Variants in CDC6 observed in about 807,000 individuals in gnomAD.
The protein encoded by CDC6 is DNA replication factor CDC6.
A neutral mutation model predicts 60.2 loss-of-function variants in CDC6; 46 were observed. The ratio of observed to expected loss-of-function variants is 0.76; its 90% CI spans 0.60 to 0.98. The LOEUF (loss-of-function observed/expected upper bound fraction) is 0.98. CDC6 is among the 50% of genes least tolerant of loss of function. CDC6 has a pLI of 0.00. For synonymous variants in CDC6, 210 were observed against 233.2 expected (o/e 0.90, Z 0.90); for missense variants, 596 against 652.9 (o/e 0.91, Z 0.95).
chr17:40,288,535 C>T (rs1168267381), intron 1 of CDC6, among the ~76,000 whole-genome samples: 2 of 151,844 alleles, frequency 1.3e-5, no homozygotes, highest in African/African-American at 4.8e-5. Context: ...TCTCCTGCCT[C>T]AGCCTCTTCA....
intron 9 of CDC6, among the ~76,000 whole-genome samples, chr17:40,297,550 C>T (rs2032875719): frequency 6.6e-6 from 1 of 152,098 alleles, no homozygotes; most frequent in African/African-American, 2.4e-5. Flanking sequence ...GTGCAGCAAG[C>T]CACCATGGCA....
intron 9 of CDC6, among the ~76,000 whole-genome samples, chr17:40,298,487 G>A (rs1010185274): frequency 1.3e-5 from 2 of 151,636 alleles, no homozygotes; most frequent in African/African-American, 4.8e-5. Flanking sequence ...TGCGATCATG[G>A]CTCACTGCAG....
intron 2 of CDC6, 89 bp from the exon 3 acceptor site, chr17:40,290,969 C>T: frequency 1.5e-6 from 2 of 1,333,392 alleles, no homozygotes; most frequent in Non-Finnish European, 2.2e-6. Context: ...GGTAGAAATT[C>T]ACCTCTTTCT....
intron 9 of CDC6, among the ~76,000 whole-genome samples, chr17:40,298,383 T>G (rs544218892): frequency 1.3e-5 from 2 of 149,324 alleles, no homozygotes; most frequent in East Asian, 4.0e-4. Flanking sequence ...TGTGCGGGAT[T>G]GGCTTTTTTC....
chr17:40,291,729 GTTTGTTTGT>G, intron 4 of CDC6, 61 bp downstream of exon 4: 1 of 1,517,602 alleles, frequency 6.6e-7, no homozygotes. Flanking sequence ...GTTTTTGTTT[GTTTGTTTGT>G]TTTGTTTTGT....
chr17:40,289,538 CA>C lies in CDC6; in HGVS notation c.121del (p.Thr41ProfsTer2). Reference protein sequence around the residue: ...SDAKLEPTNVQTVTCSPRVKA... With the variant: ...SDAKLEPTNVXTVTCSPRVKA... ...TGCCAAACTAGAACCAACAAATGTC[CA>C]AACCGTAACCTGTTCTCCTCGTGTA... On this transcript the variant is annotated frameshift_variant, in exon 2 of 12. Transcript: ENST00000209728. LOFTEE classifies it high-confidence loss of function. 6.2e-7 allele frequency: 1 copy of C among 1,613,972 alleles called. No homozygotes were observed. Among genetic ancestry groups the C allele is most frequent in the Non-Finnish European group, 8.5e-7 (1 of 1,179,976 alleles).
At chr17:40,289,313 A>G in intron 1 of CDC6, 95 bp from the exon 2 acceptor site, 1 of 968,750 alleles carries the variant, frequency 1.0e-6, no homozygotes, top group Non-Finnish European at 1.6e-6. Flanking sequence ...ATTAGGAAAT[A>G]AGTGTTAATC....
intron 11 of CDC6, 85 bp downstream of exon 11, chr17:40,301,693 T>C (rs1433600740): frequency 7.0e-7 from 1 of 1,435,454 alleles, no homozygotes; most frequent in Non-Finnish European, 9.8e-7. Context: ...TTAAACAAGA[T>C]GACCACAGTT....
chr17:40,298,707 T>C (rs993091488), intron 9 of CDC6, among the ~76,000 whole-genome samples: 3 of 152,196 alleles, frequency 2.0e-5, no homozygotes, highest in Non-Finnish European at 4.4e-5. Flanking sequence ...CAGGTTGAGA[T>C]TGGCTTTCAA....
chr17:40,293,822 T>C lies in CDC6; in HGVS notation c.837-128T>C. Reference sequence around the variant, plus strand: ...TGTGGGGTATCCTTGTAGCAGTAACTAGAGATAGGTTAGATTATGATCTTT... The same window carrying C: ...TGTGGGGTATCCTTGTAGCAGTAACCAGAGATAGGTTAGATTATGATCTTT... On this transcript the variant is annotated intron_variant, in intron 5 of 11. Transcript: ENST00000209728. The C allele has an allele frequency of 3.2e-6, 3 of 930,170 alleles. 1 individual carries two copies. The highest frequency in any genetic ancestry group is 5.3e-6 in the Non-Finnish European group (3 of 561,594). The allele number at this position is 930,170 out of a possible 1,614,324, so 57.6% of individuals were successfully genotyped here.
chr17:40,301,932 G>A lies in CDC6; in HGVS notation c.1614G>A (p.Glu538=). Residue 538 remains glutamate (E), a synonymous_variant, in exon 12 of 12, where the codon GAG becomes GAA. Coordinates refer to ENST00000209728, the MANE Select transcript of CDC6 (RefSeq NM_001254.4). ...RLTKVFFKIE[E]KEIEHALKDK... ...TCCAGGTGTTTTTCAAGATTGAAGA[G>A]AAAGAAATAGAACATGCTCTGAAAG... The A allele has an allele frequency of 6.3e-7, 1 of 1,593,606 alleles. No individual in the cohort carries two copies. The highest frequency in any genetic ancestry group is 8.6e-7 in the Non-Finnish European group (1 of 1,161,468).
chr17:40,300,608 C>A (rs1209877519), intron 9 of CDC6, among the ~76,000 whole-genome samples: 3 of 152,150 alleles, frequency 2.0e-5, no homozygotes, highest in Admixed American at 2.0e-4. Context: ...AAAGGGTAAC[C>A]CTACTTTTCA....
At chr17:40,290,249 A>G (rs1217120411) in intron 2 of CDC6, among the ~76,000 whole-genome samples, 1 of 152,252 alleles carries the variant, frequency 6.6e-6, no homozygotes, top group Admixed American at 6.5e-5. Flanking sequence ...AAAACGTGAC[A>G]TGATGAATAT....
At position 40,295,575 on chromosome 17, in the gene CDC6, G is replaced by A. The variant is rs552746131; in HGVS notation, c.1184+119G>A. ...AGGCTCTGTTCTGCTACTTTTTTACGCTCAGAAAGGAGGACTTGTTTCTCA... is the reference window on the plus strand; with the variant it reads ...AGGCTCTGTTCTGCTACTTTTTTACACTCAGAAAGGAGGACTTGTTTCTCA... On this transcript the variant is annotated intron_variant, in intron 8 of 11. Coordinates refer to ENST00000209728, the MANE Select transcript of CDC6 (RefSeq NM_001254.4). 1.7e-5 allele frequency: 12 copies of A among 718,416 alleles called. 1 individual carries two copies. The highest frequency in any genetic ancestry group is 1.1e-4 in the Admixed American group (5 of 45,510). 44.5% of individuals were successfully genotyped at this position (718,416 alleles called of 1,614,324 possible). A position where few individuals can be genotyped will look rare whatever the true frequency, so the allele number is the denominator to read the frequency against.
chr17:40,301,716 C>A (rs190680089), intron 11 of CDC6, 108 bp downstream of exon 11: 7 of 1,279,580 alleles, frequency 5.5e-6, no homozygotes, highest in African/African-American at 1.5e-5. Flanking sequence ...TTAAACAAGT[C>A]GTTTTTTGTT....
In CDC6 at chr17:40,302,038, G is replaced by A. The variant is rs756072468; in HGVS notation, c.*37G>A. 1.7e-6 allele frequency: 2 copies of A among 1,164,536 alleles called. No individual in the cohort carries two copies. The highest frequency in any genetic ancestry group is 2.6e-6 in the Non-Finnish European group (2 of 769,288). 72.1% of individuals were successfully genotyped at this position (1,164,536 alleles called of 1,614,324 possible). ...ACACCCCACCCGAAAGTATTCAGCT[G>A]GCATTTAGAGAGCTACAGTCTTCAT... On this transcript the variant is annotated 3_prime_UTR_variant, in exon 12 of 12. Coordinates refer to ENST00000209728, the MANE Select transcript of CDC6 (RefSeq NM_001254.4).
At position 40,300,991 on chromosome 17, in the gene CDC6, G is replaced by C. The variant is rs752887851; in HGVS notation, c.1413G>C (p.Leu471Phe). 1 of 1,614,028 alleles carries C rather than the reference G, an allele frequency of 6.2e-7. No homozygotes were observed. The highest frequency in any genetic ancestry group is 1.7e-5 in the Admixed American group (1 of 60,024). Residue 471 changes from leucine to phenylalanine, a missense_variant, in exon 10 of 12, where the codon TTG becomes TTC. Transcript: ENST00000209728. ...TCTTGGTTTGCTCTTTGATGCTCTT[G>C]ATCAGGCAGTTGAAAATCAAAGAGG... The part of the protein sequence containing the change: ...QKILVCSLML[L>F]IRQLKIKEVT...
intron 8 of CDC6, among the ~76,000 whole-genome samples, chr17:40,296,474 C>T (rs1276681189): frequency 6.6e-6 from 1 of 152,134 alleles, no homozygotes; most frequent in Non-Finnish European, 1.5e-5. Context: ...ATTAAGTCCC[C>T]TTATCTGAGA....
intron 9 of CDC6, 149 bp from the exon 10 acceptor site, chr17:40,300,679 T>C: frequency 1.3e-6 from 1 of 741,594 alleles, no homozygotes; most frequent in Non-Finnish European, 2.5e-6. Flanking sequence ...TCCTTTGGCC[T>C]CTGGTTAGAG....
Sources: allele counts gnomAD v4.1 joint callset (sites outside exome capture counted in the v4.1 genomes callset), GRCh38; gene constraint gnomAD v4.1.1; transcripts MANE v1.5; gene names NCBI Gene and HGNC (gene_info 2026-07-23, HGNC 2026-07-21).